Variants in OSBP2 observed in about 807,000 individuals in gnomAD.
OSBP2 encodes the protein oxysterol-binding protein 2.
A neutral mutation model predicts 96.0 loss-of-function variants in OSBP2; 66 were observed. The observed-to-expected ratio is 0.69, with a 90% confidence interval of 0.56 to 0.84. The LOEUF is 0.84. Ranked by LOEUF, OSBP2 falls within the 40% of genes least tolerant of loss-of-function variation. The probability of loss-of-function intolerance (pLI) is 0.00; values close to 1 mark genes in which losing one functional copy is unlikely to be tolerated. For synonymous variants in OSBP2, 525 were observed against 520.9 expected, an observed-to-expected ratio of 1.01 and a Z score of -0.11; for missense variants, 1,038 against 1,222.7, an observed-to-expected ratio of 0.85 and a Z score of 2.25.
At chr22:30,811,135 G>T in intron 2 of OSBP2, among the ~76,000 whole-genome samples, 1 of 148,642 alleles carries the variant, frequency 6.7e-6, no homozygotes. Context: ...CTTTTCCCAT[G>T]CATTTACAAA....
rs1256618622 is a variant in OSBP2 at position 30,906,426 on chromosome 22, CTCCCAGCCCAT to C, written c.*97_*107del. On this transcript the variant is annotated 3_prime_UTR_variant, in exon 14 of 14. Transcript: ENST00000332585. Reference sequence around the variant, plus strand: ...CTCAATTTAGTACTGAATGGTCTTTCTCCCAGCCCATTCCCAGCCCTTCCTATTTCCTTTCC... The same window carrying C: ...CTCAATTTAGTACTGAATGGTCTTTCTCCCAGCCCTTCCTATTTCCTTTCC... 3 of 1,400,380 alleles carry C rather than the reference CTCCCAGCCCAT, an allele frequency of 2.1e-6. No homozygotes were observed. Among genetic ancestry groups the C allele is most frequent in the Non-Finnish European group, 1.9e-6 (2 of 1,051,566 alleles). The allele number at this position is 1,400,380 out of a possible 1,614,324, so 86.7% of individuals were successfully genotyped here.
Position 30,870,411 on chromosome 22 carries a change from C to T in OSBP2, c.854-18C>T, listed in dbSNP as rs2039433403. ...CGTCTGTTCGTAATGACCGTAACAA[C>T]TCTATTTTCTTCCACAGATGACTCT... On this transcript the variant is annotated intron_variant, in intron 2 of 13. Transcript: ENST00000332585. The surrounding 1 kb of genome is among the most constrained non-coding windows in gnomAD (Gnocchi z 4.1). 1 of 1,613,024 alleles carries T rather than the reference C, an allele frequency of 6.2e-7. No individual in the cohort carries two copies. Among genetic ancestry groups the T allele is most frequent in the African/African-American group, 1.3e-5 (1 of 74,928 alleles).
intron 1 of OSBP2, among the ~76,000 whole-genome samples, chr22:30,713,473 T>C (rs1454949786): frequency 6.6e-6 from 1 of 151,476 alleles, no homozygotes; most frequent in South Asian, 2.1e-4. Context: ...TATTTATTTA[T>C]TTATTTAGAC....
At chr22:30,705,071 A>G (rs1260820643) in intron 1 of OSBP2, among the ~76,000 whole-genome samples, 1 of 152,182 alleles carries the variant, frequency 6.6e-6, no homozygotes, top group African/African-American at 2.4e-5. Context: ...AGAAAGCCAC[A>G]TGCCAGTCTT....
At chr22:30,902,671 G>A in intron 12 of OSBP2, 1 of 569,928 alleles carries the variant, frequency 1.8e-6, no homozygotes, top group Non-Finnish European at 3.3e-6. Context: ...CACGACTCCA[G>A]CTTAAACCTC....
At chr22:30,865,347 G>A (rs796474117) in intron 2 of OSBP2, among the ~76,000 whole-genome samples, 9 of 152,112 alleles carry the variant, frequency 5.9e-5, no homozygotes, top group African/African-American at 1.2e-4. Context: ...AGTTATGGCC[G>A]GGCATGGTGG....
At chr22:30,901,603 G>A (rs930562481) in intron 12 of OSBP2, among the ~76,000 whole-genome samples, 10 of 151,782 alleles carry the variant, frequency 6.6e-5, no homozygotes, top group Admixed American at 3.9e-4. Flanking sequence ...GGTGGCTCAC[G>A]CCTGTAATCC....
intron 1 of OSBP2, among the ~76,000 whole-genome samples, chr22:30,718,661 G>C (rs1182609439): frequency 6.6e-6 from 1 of 152,238 alleles, no homozygotes; most frequent in Non-Finnish European, 1.5e-5. Flanking sequence ...CTGCCCCTGG[G>C]GCCACAGGCC....
rs546671035 is a variant in OSBP2, at chr22:30,757,082, A to G, written c.853+15713A>G. The stretch of plus-strand genomic sequence containing the variant: ...GCAGACCACACTCCTCAAACCCAGA[A>G]TATCTGCTGGCCTTGATCAGTACCT... On this transcript the variant is annotated intron_variant, in intron 2 of 13. Transcript: ENST00000332585. Among the ~76,000 whole-genome samples the G allele has an allele frequency of 1.7e-4, 26 of 152,098 alleles. No homozygotes were observed. The East Asian group carries it at 4.6e-3, about 27-fold the overall frequency.
rs780587453 is a variant in OSBP2 at position 30,694,934 on chromosome 22, C to A, written c.25C>A (p.Arg9=). Residue 9 remains arginine, a synonymous_variant, in exon 1 of 14, where the codon CGA becomes AGA. Coordinates refer to ENST00000332585, the MANE Select transcript of OSBP2 (RefSeq NM_030758.4). MGKAAAPS[R]GGGCGGRSRG... is the part of the protein sequence containing the mutation. ...TATGGGGAAAGCGGCGGCTCCGAGC[C>A]GAGGCGGCGGCTGTGGCGGCCGCTC... is the stretch of plus-strand genomic sequence containing the variant. 6.7e-7 allele frequency: 1 copy of A among 1,501,586 alleles called. No homozygotes were observed. The allele number at this position is 1,501,586 out of a possible 1,614,324, so 93.0% of individuals were successfully genotyped here.
intron 2 of OSBP2, among the ~76,000 whole-genome samples, chr22:30,861,513 T>C (rs2039210713): frequency 1.3e-5 from 2 of 152,170 alleles, no homozygotes; most frequent in African/African-American, 2.4e-5. Context: ...CGCTCTGGCT[T>C]GGGTTTTCCA....
chr22:30,766,957 C>T (rs2090278836), intron 2 of OSBP2, among the ~76,000 whole-genome samples: 1 of 151,952 alleles, frequency 6.6e-6, no homozygotes, highest in Admixed American at 6.6e-5. Context: ...TTTAGCAGCA[C>T]CTTGGATATA....
chr22:30,718,617 G>T (rs558405796), intron 1 of OSBP2, among the ~76,000 whole-genome samples: 2 of 152,336 alleles, frequency 1.3e-5, no homozygotes, highest in South Asian at 4.1e-4. Flanking sequence ...AATGGGGGAT[G>T]CTTTAGCTGG....
chr22:30,788,466 G>A (rs2090627512), intron 2 of OSBP2, among the ~76,000 whole-genome samples: 1 of 152,080 alleles, frequency 6.6e-6, no homozygotes, highest in Non-Finnish European at 1.5e-5. Flanking sequence ...AATGAGCTCT[G>A]GGGCAGCTGA....
chr22:30,753,400 T>C (rs1373665963), intron 2 of OSBP2, among the ~76,000 whole-genome samples: 1 of 152,114 alleles, frequency 6.6e-6, no homozygotes, highest in Admixed American at 6.6e-5. Flanking sequence ...ACTGTGAGTG[T>C]CCTCTGTGGC....
At chr22:30,731,842 C>T (rs928416432) in intron 1 of OSBP2, among the ~76,000 whole-genome samples, 6 of 152,150 alleles carry the variant, frequency 3.9e-5, no homozygotes, top group South Asian at 2.1e-4. Flanking sequence ...CTGCTGTGGC[C>T]GGTCCTGGTG....
intron 2 of OSBP2, among the ~76,000 whole-genome samples, chr22:30,819,370 G>C (rs1453168672): frequency 6.6e-6 from 1 of 152,174 alleles, no homozygotes; most frequent in East Asian, 1.9e-4. Flanking sequence ...TGGCTCACAG[G>C]AGCGGGGCTG....
chr22:30,843,049 G>T (rs959481025), intron 2 of OSBP2, among the ~76,000 whole-genome samples: 5 of 152,176 alleles, frequency 3.3e-5, no homozygotes, highest in African/African-American at 9.7e-5. Context: ...CTCCCAAAGT[G>T]CTGGGATTAC....
At chr22:30,798,108 T>G (rs2090790928) in intron 2 of OSBP2, among the ~76,000 whole-genome samples, 1 of 152,226 alleles carries the variant, frequency 6.6e-6, no homozygotes, top group Non-Finnish European at 1.5e-5. Flanking sequence ...TTTTCAGTTT[T>G]TTAGATGGTA....
Sources: gnomAD v4.1 joint callset for allele counts (sites outside exome capture counted in the v4.1 genomes callset) on GRCh38, gnomAD v4.1.1 for gene constraint, Gnocchi (gnomAD v3.1) non-coding constraint, MANE v1.5 for transcripts, NCBI Gene and HGNC (gene_info 2026-07-23, HGNC 2026-07-21) for gene names.